The following ZFYVE1 variants were observed in gnomAD, a reference collection of about 807,000 sequenced individuals.
ZFYVE1 encodes the protein zinc finger FYVE-type containing 1.
In ZFYVE1, 30 loss-of-function variants were observed where a neutral mutation model predicts 74.4. That is an observed-to-expected ratio of 0.40 (90% CI 0.30 to 0.55). The LOEUF is 0.55. ZFYVE1 is among the 20% of genes least tolerant of loss of function. ZFYVE1 has a pLI of 0.42. For synonymous variants in ZFYVE1, 335 were observed against 385.1 expected (o/e 0.87, Z 1.52); for missense variants, 703 against 1,011.6 (o/e 0.69, Z 4.14).
intron 2 of ZFYVE1, among the ~76,000 whole-genome samples, chr14:72,999,414 C>T (rs1196688669): frequency 1.3e-5 from 2 of 151,962 alleles, no homozygotes; most frequent in Non-Finnish European, 2.9e-5. Flanking sequence ...GCAACAAGAA[C>T]GAAACTCCAT....
intron 5 of ZFYVE1, among the ~76,000 whole-genome samples, chr14:72,981,264 A>G (rs1893323375): frequency 6.6e-6 from 1 of 152,176 alleles, no homozygotes; most frequent in Admixed American, 6.5e-5. Flanking sequence ...AGAATCCCAG[A>G]AGGTGGTGCC....
rs1487555897 is a variant in ZFYVE1, at chr14:72,970,906, G to A, written c.2310C>T (p.Cys770=). 1 of 1,614,216 alleles carries A rather than the reference G, an allele frequency of 6.2e-7. No homozygotes were observed. The highest frequency in any genetic ancestry group is 1.1e-5 in the South Asian group (1 of 91,084). Reference sequence around the variant, plus strand: ...GTTAAAGGTCACCGGGCTTTTTATTGCAGTTGAAGCAGACTCGGACGGGAT... The same window carrying A: ...GTTAAAGGTCACCGGGCTTTTTATTACAGTTGAAGCAGACTCGGACGGGAT... ...WDHPVRVCFN[C]NKKPGDL Residue 770 remains cysteine (C), a synonymous_variant, in exon 12 of 12, where the codon TGC becomes TGT. Coordinates refer to ENST00000556143, the MANE Select transcript of ZFYVE1 (RefSeq NM_021260.4).
At chr14:72,973,054 A>G (rs1300121276) in intron 11 of ZFYVE1, among the ~76,000 whole-genome samples, 2 of 152,134 alleles carry the variant, frequency 1.3e-5, no homozygotes, top group Non-Finnish European at 2.9e-5. Flanking sequence ...GTGACAGACT[A>G]AAGACAGCCA....
chr14:73,015,368 GA>G (rs1329607087), intron 2 of ZFYVE1, among the ~76,000 whole-genome samples: 6 of 41,978 alleles, frequency 1.4e-4, no homozygotes, highest in African/African-American at 6.0e-4. Flanking sequence ...GGGAAAGGAA[GA>G]GGGGAAGGAA....
At chr14:72,979,054 C>T in intron 5 of ZFYVE1, 85 bp from the exon 6 acceptor site, 1 of 1,188,144 alleles carries the variant, frequency 8.4e-7, no homozygotes, top group East Asian at 2.4e-5. Context: ...GAGCCAGGCA[C>T]AAGGCCACGA....
At chr14:72,980,703 G>C (rs914889575) in intron 5 of ZFYVE1, among the ~76,000 whole-genome samples, 1 of 152,020 alleles carries the variant, frequency 6.6e-6, no homozygotes, top group Non-Finnish European at 1.5e-5. Context: ...GAGTAGCTGG[G>C]ACTACAGGCG....
At position 72,978,843 on chromosome 14, in the gene ZFYVE1, G is replaced by A; in HGVS notation, c.1419+18C>T. ...AGCAAGCCCGCTGCTGACACAGGGA[G>A]GAGCTCGGAGGACTCACCTTGCAGG... On this transcript the variant is annotated intron_variant, in intron 6 of 11. Coordinates refer to ENST00000556143, the MANE Select transcript of ZFYVE1 (RefSeq NM_021260.4). 1 of 1,609,954 alleles carries A rather than the reference G, an allele frequency of 6.2e-7. No homozygotes were observed. Among genetic ancestry groups the A allele is most frequent in the Non-Finnish European group, 8.5e-7 (1 of 1,176,256 alleles).
At position 72,975,496 on chromosome 14, in the gene ZFYVE1, GC is replaced by G. The variant is rs1893144648; in HGVS notation, c.1806+54del. ...AACAAGCTTAGCACAGGGCAAAGCG[GC>G]ATTAAGTAGGATGGGCTGTGCCAGG... On this transcript the variant is annotated intron_variant, in intron 9 of 11. Coordinates refer to ENST00000556143, the MANE Select transcript of ZFYVE1 (RefSeq NM_021260.4). The surrounding 1 kb of genome is among the most constrained non-coding windows in gnomAD (Gnocchi z 4.1). 1 of 1,564,836 alleles carries G rather than the reference GC, an allele frequency of 6.4e-7. No individual in the cohort carries two copies. The highest frequency in any genetic ancestry group is 1.2e-5 in the South Asian group (1 of 83,036).
intron 3 of ZFYVE1, among the ~76,000 whole-genome samples, chr14:72,994,669 AC>A (rs980305018): frequency 1.3e-5 from 2 of 152,160 alleles, no homozygotes; most frequent in African/African-American, 2.4e-5. Flanking sequence ...CTCTGCTCTC[AC>A]CTACTTCCCG....
At chr14:73,012,619 C>G (rs1894114237) in intron 2 of ZFYVE1, among the ~76,000 whole-genome samples, 1 of 151,548 alleles carries the variant, frequency 6.6e-6, no homozygotes, top group Non-Finnish European at 1.5e-5. Context: ...GAGATTTCGT[C>G]TCAAAAAAAA....
At chr14:73,014,343 T>A (rs969670231) in intron 2 of ZFYVE1, among the ~76,000 whole-genome samples, 2 of 152,196 alleles carry the variant, frequency 1.3e-5, no homozygotes, top group African/African-American at 2.4e-5. Context: ...GTTTCTTTCA[T>A]CTTTCTTTTG....
intron 2 of ZFYVE1, among the ~76,000 whole-genome samples, chr14:72,999,529 G>A (rs1594851371): frequency 6.6e-6 from 1 of 151,948 alleles, no homozygotes; most frequent in African/African-American, 2.4e-5. Flanking sequence ...GGAGGTTACA[G>A]TGAACTGTGA....
chr14:72,992,282 A>G (rs551570290), intron 4 of ZFYVE1, among the ~76,000 whole-genome samples: 59 of 152,312 alleles, frequency 3.9e-4, no homozygotes, highest in Non-Finnish European at 6.8e-4. Flanking sequence ...GTCTCTAGCT[A>G]AGGAATAATA....
chr14:72,987,232 A>G (rs1321801518), intron 4 of ZFYVE1, among the ~76,000 whole-genome samples: 1 of 152,198 alleles, frequency 6.6e-6, no homozygotes, highest in East Asian at 1.9e-4. Flanking sequence ...ACAGAATTGG[A>G]ACGTCAAGAG....
intron 5 of ZFYVE1, 193 bp from the exon 6 acceptor site, chr14:72,979,162 A>G: frequency 3.6e-6 from 2 of 555,372 alleles, no homozygotes; most frequent in Non-Finnish European, 3.3e-6. Flanking sequence ...CAACAGCACT[A>G]CAGAGGCACA....
chr14:72,992,624 G>A lies in ZFYVE1; in HGVS notation c.1203+519C>T, dbSNP rs55758818. Among the ~76,000 whole-genome samples the A allele has an allele frequency of 6.3e-4, 45 of 71,868 alleles. 3 individuals are homozygous for A. Among genetic ancestry groups the A allele is most frequent in the South Asian group, 3.6e-3 (7 of 1,950 alleles). The allele number at this position is 71,868 out of a possible 152,430, so 47.1% of individuals were successfully genotyped here. A position where few individuals can be genotyped will look rare whatever the true frequency, so the allele number is the denominator to read the frequency against. ...GAGGTCCCATTCAGGTGCCCCCCCC[G>A]CCCCTTGCAAGAGAGAGAGAGCTGT... On this transcript the variant is annotated intron_variant, in intron 4 of 11. Transcript: ENST00000556143.
chr14:72,981,867 A>G lies in ZFYVE1; in HGVS notation c.1232T>C (p.Ile411Thr). ...GCTGTGCGCCATCTGGTCATCGGGGATCTCACCGCTGAAGCGGTCACTTAG... is the reference window on the plus strand; with the variant it reads ...GCTGTGCGCCATCTGGTCATCGGGGGTCTCACCGCTGAAGCGGTCACTTAG... ...KALSDRFSGE[I>T]PDDQMAHSSF... The change falls in exon 5 of 12, where the codon ATC becomes ACC. Residue 411 changes from isoleucine to threonine, a missense_variant. Physicochemically the swap from Ile to Thr is moderately conservative, Grantham distance 89. Transcript: ENST00000556143. 6.2e-7 allele frequency: 1 copy of G among 1,614,054 alleles called. No individual in the cohort carries two copies. The highest frequency in any genetic ancestry group is 1.3e-5 in the African/African-American group (1 of 75,034).
intron 11 of ZFYVE1, 73 bp from the exon 12 acceptor site, chr14:72,971,187 C>T (rs1893025452): frequency 4.7e-6 from 7 of 1,479,556 alleles, no homozygotes; most frequent in South Asian, 2.4e-5. Flanking sequence ...AGGCCATCCT[C>T]GGATGCTTAC....
chr14:73,004,958 T>C (rs12894302), intron 2 of ZFYVE1, among the ~76,000 whole-genome samples: 44,991 of 148,948 alleles, frequency 0.3, 7,172 homozygotes, highest in Middle Eastern at 0.39. Context: ...ATCACGCCAC[T>C]GTACTCCAGC....
Sources: allele counts gnomAD v4.1 joint callset (sites outside exome capture counted in the v4.1 genomes callset), GRCh38; gene constraint gnomAD v4.1.1; non-coding constraint Gnocchi (gnomAD v3.1); transcripts MANE v1.5; gene names NCBI Gene and HGNC (gene_info 2026-07-23, HGNC 2026-07-21).